The following MED23 variants were observed in gnomAD, a reference collection of about 807,000 sequenced individuals.
The protein encoded by MED23 is mediator complex subunit 23.
Under a neutral mutation model 163.9 loss-of-function variants are expected in MED23, and 105 were observed. The observed-to-expected ratio is 0.64, with a 90% CI of 0.55 to 0.75. The LOEUF (loss-of-function observed/expected upper bound fraction) is 0.75, where lower values mean the gene tolerates loss of function less well. MED23 is among the 30% of genes least tolerant of loss of function. MED23 has a pLI of 0.00. For missense variants in MED23, 1,054 were observed against 1,649.0 expected (o/e 0.64, Z 6.25); for synonymous variants, 561 against 565.6 (o/e 0.99, Z 0.12).
At chr6:131,590,526 T>A in intron 26 of MED23, 84 bp from the exon 27 acceptor site, 1 of 866,368 alleles carries the variant, frequency 1.2e-6, no homozygotes. Flanking sequence ...TACAAAGTAT[T>A]ACAATAAAAT....
In MED23 at chr6:131,624,852, C is replaced by G; in HGVS notation, c.284+13G>C. 6.2e-7 allele frequency: 1 copy of G among 1,613,588 alleles called. No homozygotes were observed. The highest frequency in any genetic ancestry group is 8.5e-7 in the Non-Finnish European group (1 of 1,179,880). On this transcript the variant is annotated intron_variant, in intron 4 of 28. Transcript: ENST00000368068. ...AGAAAATTCTTCAGATTGCTCATACCCATTAAACGTACCTGGGTGGAAGGA... is the reference window on the plus strand; with the variant it reads ...AGAAAATTCTTCAGATTGCTCATACGCATTAAACGTACCTGGGTGGAAGGA...
At chr6:131,600,841 TA>T (rs1449715762) in intron 17 of MED23, among the ~76,000 whole-genome samples, 1 of 152,196 alleles carries the variant, frequency 6.6e-6, no homozygotes, top group East Asian at 1.9e-4. Context: ...GGTGCCAGAC[TA>T]GATGAAAAGG....
At chr6:131,622,164 G>C (rs989151084) in intron 5 of MED23, among the ~76,000 whole-genome samples, 185 bp from the exon 6 acceptor site, 7 of 152,236 alleles carry the variant, frequency 4.6e-5, no homozygotes, top group Non-Finnish European at 8.8e-5. Context: ...GAGTTCTAAA[G>C]ACTGTCTTAA....
Position 131,590,388 on chromosome 6 carries a change from A to G in MED23, c.3741T>C (p.Tyr1247=). ...PIVKTEFQLL[Y]VYHLVGPFLQ... is the part of the protein sequence containing the mutation. ...AAAATGGTCCAACAAGATGGTATAC[A>G]TAAAGCAACTGGAATTCGGTCTTCA... Residue 1247 remains tyrosine (Y), a synonymous_variant, in exon 27 of 29, where the codon TAT becomes TAC. Coordinates refer to ENST00000368068, the MANE Select transcript of MED23 (RefSeq NM_004830.4). 2 of 1,609,278 alleles carry G rather than the reference A, an allele frequency of 1.2e-6. No individual in the cohort carries two copies. Among genetic ancestry groups the G allele is most frequent in the East Asian group, 2.2e-5 (1 of 44,738 alleles).
At chr6:131,606,002 A>G (rs1775827719) in intron 13 of MED23, among the ~76,000 whole-genome samples, 1 of 152,132 alleles carries the variant, frequency 6.6e-6, no homozygotes, top group Non-Finnish European at 1.5e-5. Flanking sequence ...ACTACAATAC[A>G]ATACTATCTA....
rs1395918230 is a variant in MED23 at position 131,607,994 on chromosome 6, C to T, written c.1155G>A (p.Gln385=). ...VLLQFISGSI[Q]KNALADFLPV... ...GGAGAAAATCAGCTAGTGCATTTTT[C>T]TGAATACTTCCAGAAATGAATTGCA... Residue 385 remains glutamine, a synonymous_variant, in exon 12 of 29, where the codon CAG becomes CAA. Coordinates refer to ENST00000368068, the MANE Select transcript of MED23 (RefSeq NM_004830.4). 1 of 1,613,924 alleles carries T rather than the reference C, an allele frequency of 6.2e-7. No individual in the cohort carries two copies.
At chr6:131,619,972 A>G (rs1448582843) in intron 7 of MED23, 76 bp from the exon 8 acceptor site, 4 of 878,332 alleles carry the variant, frequency 4.6e-6, no homozygotes, top group Non-Finnish European at 7.7e-6. Flanking sequence ...GAAATATATG[A>G]ACATTTATAT....
rs1467673355 is a variant in MED23 at position 131,619,898 on chromosome 6, TAA to T, written c.598-4_598-3del. The T allele has an allele frequency of 6.2e-7, 1 of 1,603,548 alleles. No individual in the cohort carries two copies. The highest frequency in any genetic ancestry group is 8.5e-7 in the Non-Finnish European group (1 of 1,171,404). On this transcript the variant is annotated splice_region_variant and splice_polypyrimidine_tract_variant and intron_variant, in intron 7 of 28. Coordinates refer to ENST00000368068, the MANE Select transcript of MED23 (RefSeq NM_004830.4). ...GTCTGATACTAGGTTTCCAAGTAAC[TAA>T]AGAGAGAAAGAAAGAGGGAAGTCAA...
At chr6:131,583,235 A>G, downstream of MED23, 1 of 1,596,348 alleles carries the variant, frequency 6.3e-7, no homozygotes, top group Non-Finnish European at 8.6e-7. Flanking sequence ...CAAAGTTATT[A>G]ATAAAGTCTT....
At chr6:131,612,824 T>C (rs1225769633) in intron 10 of MED23, among the ~76,000 whole-genome samples, 2 of 152,072 alleles carry the variant, frequency 1.3e-5, no homozygotes, top group African/African-American at 2.4e-5. Context: ...CCAGCACTAT[T>C]TCAAATGGCA....
In MED23 at chr6:131,618,479, G is replaced by A; in HGVS notation, c.708C>T (p.Ala236=). 1.9e-6 allele frequency: 3 copies of A among 1,614,002 alleles called. No individual in the cohort carries two copies. The highest frequency in any genetic ancestry group is 2.5e-6 in the Non-Finnish European group (3 of 1,179,948). ...SLLPVVNNSG[A]ICNSWKLDPA... is the part of the protein sequence containing the mutation. ...GATCCAGTTTCCATGAATTACAAAT[G>A]GCACCCGAATTATTTACAACTGGCA... Residue 236 remains alanine (A), a synonymous_variant, in exon 9 of 29, where the codon GCC becomes GCT. Coordinates refer to ENST00000368068, the MANE Select transcript of MED23 (RefSeq NM_004830.4).
intron 12 of MED23, 58 bp downstream of exon 12, chr6:131,607,870 T>C (rs1775974640): frequency 6.3e-7 from 1 of 1,577,326 alleles, no homozygotes; most frequent in Admixed American, 1.7e-5. Context: ...TCCTTAAACA[T>C]AAATTAGACA....
downstream of MED23, among the ~76,000 whole-genome samples, chr6:131,582,022 A>G (rs994427159): frequency 6.6e-6 from 1 of 152,194 alleles, no homozygotes; most frequent in Non-Finnish European, 1.5e-5. Flanking sequence ...GCCATAGTAT[A>G]TCAATAAAAA....
intron 30 of MED23, among the ~76,000 whole-genome samples, chr6:131,577,119 GATA>G (rs1485319083): frequency 3.3e-5 from 5 of 152,186 alleles, no homozygotes; most frequent in African/African-American, 9.6e-5. Flanking sequence ...CAGTAATAAT[GATA>G]ATAACAACAG....
intron 28 of MED23, 130 bp downstream of exon 28, chr6:131,589,335 C>T: frequency 1.2e-6 from 1 of 810,794 alleles, no homozygotes; most frequent in Non-Finnish European, 2.0e-6. Flanking sequence ...GTCTCATACC[C>T]ACCCTTTTTC....
chr6:131,626,281 A>AT, intron 3 of MED23, among the ~76,000 whole-genome samples: 1 of 152,200 alleles, frequency 6.6e-6, no homozygotes, highest in Non-Finnish European at 1.5e-5. Flanking sequence ...AATTTATCCT[A>AT]TTTTTCATGC....
chr6:131,579,890 T>C (rs1016363419), intron 30 of MED23, among the ~76,000 whole-genome samples: 14 of 152,164 alleles, frequency 9.2e-5, no homozygotes, highest in Non-Finnish European at 1.6e-4. Flanking sequence ...GATGTCTATG[T>C]TGTGTTCTCA....
intron 24 of MED23, 153 bp downstream of exon 24, chr6:131,592,853 T>G (rs1774748133): frequency 1.1e-6 from 1 of 908,586 alleles, no homozygotes; most frequent in Admixed American, 2.0e-5. Flanking sequence ...CCATAACTCC[T>G]ATATCACAAA....
At chr6:131,627,100 T>C (rs957178242) in intron 3 of MED23, 6 of 327,534 alleles carry the variant, frequency 1.8e-5, no homozygotes, top group Non-Finnish European at 3.3e-5. Flanking sequence ...TTTTCAAGTG[T>C]ACCAAATAAA....
Sources: allele counts gnomAD v4.1 joint callset (sites outside exome capture counted in the v4.1 genomes callset), GRCh38; gene constraint gnomAD v4.1.1; transcripts MANE v1.5; gene names NCBI Gene and HGNC (gene_info 2026-07-23, HGNC 2026-07-21).